Variants in CSPG4 observed in about 807,000 individuals in gnomAD.
The protein encoded by CSPG4 is chondroitin sulfate proteoglycan 4, also known as chondroitin sulfate proteoglycan 4 (melanoma-associated).
A neutral mutation model predicts 139.3 loss-of-function variants in CSPG4; 74 were observed. The observed-to-expected ratio is 0.53, with a 90% CI of 0.44 to 0.64. The LOEUF is 0.64. CSPG4 is among the 30% of genes least tolerant of loss of function. CSPG4 has a pLI of 0.00. For missense variants in CSPG4, 2,565 were observed against 3,148.3 expected, an observed-to-expected ratio of 0.81 and a Z score of 4.43; for synonymous variants, 1,234 against 1,394.2, an observed-to-expected ratio of 0.89 and a Z score of 2.56.
chr15:75,682,576 A>G (rs1387740037), intron 7 of CSPG4, 31 bp downstream of exon 7: 1 of 1,607,352 alleles, frequency 6.2e-7, no homozygotes, highest in Non-Finnish European at 8.5e-7. Flanking sequence ...AGCTCCTGGC[A>G]CCCAGGAATG....
At position 75,675,856 on chromosome 15, in the gene CSPG4, G is replaced by T. The variant is rs750954343; in HGVS notation, c.6663C>A (p.Asn2221Lys). ...ACATGGGGATGATGACGCTGAACAT[G>T]TTGGCCTCAAGGAAGCTCAGGAAGC... ...KGGFLSFLEA[N>K]MFSVIIPMCL... Residue 2221 changes from asparagine to lysine, a missense_variant, in exon 10 of 10, where the codon AAC (asparagine) becomes AAA (lysine). Physicochemically the swap from Asn to Lys is moderately conservative, Grantham distance 94. Around this residue, in one of 5 missense-constraint regions of CSPG4, gnomAD observed 2,316 missense variants for 2,818.2 expected, o/e 0.82. Transcript: ENST00000308508. 3 of 1,610,184 alleles carry T rather than the reference G, an allele frequency of 1.9e-6. No homozygotes were observed. The highest frequency in any genetic ancestry group is 8.5e-7 in the Non-Finnish European group (1 of 1,180,014).
Position 75,685,062 on chromosome 15 carries a change from G to A in CSPG4, c.4273-150C>T, listed in dbSNP as rs1385726209. 6 of 1,281,794 alleles carry A rather than the reference G, an allele frequency of 4.7e-6. No individual in the cohort carries two copies. In the East Asian group the frequency reaches 1.2e-4, roughly 25 times the overall value. 79.4% of individuals were successfully genotyped at this position (1,281,794 alleles called of 1,614,324 possible). A position where few individuals can be genotyped will look rare whatever the true frequency, so the allele number is the denominator to read the frequency against. On this transcript the variant is annotated intron_variant, in intron 4 of 9. Coordinates refer to ENST00000308508, the MANE Select transcript of CSPG4 (RefSeq NM_001897.5). The stretch of plus-strand genomic sequence containing the variant: ...AGTTCTGGCTCCGAGGAGTTGTGAG[G>A]AAGAAAAGATATATGGTATTTAAAG...
chr15:75,695,446 C>T (rs1894213448), intron 1 of CSPG4, among the ~76,000 whole-genome samples: 1 of 152,120 alleles, frequency 6.6e-6, no homozygotes, highest in Non-Finnish European at 1.5e-5. Context: ...TCCTGTGGGG[C>T]TGAGCGGGAG....
At position 75,688,290 on chromosome 15, in the gene CSPG4, C is replaced by T. The variant is rs761892708; in HGVS notation, c.2775G>A (p.Lys925=). ...AGAGGTAGCTGGCACTGTTGAGACT[C>T]TTGACAAAGAGGTGGTCAGCAGAGA... is the stretch of plus-strand genomic sequence containing the variant. ...GVLSADHLFV[K]SLNSASYLYE... Residue 925 remains lysine (K), a synonymous_variant, in exon 3 of 10, where the codon AAG becomes AAA. Transcript: ENST00000308508. 4.3e-6 allele frequency: 7 copies of T among 1,613,112 alleles called. No homozygotes were observed. The Admixed American group carries it at 1.2e-4, about 27-fold the overall frequency.
chr15:75,684,671 C>G, intron 5 of CSPG4, 65 bp downstream of exon 5: 1 of 1,513,130 alleles, frequency 6.6e-7, no homozygotes, highest in Non-Finnish European at 9.0e-7. Flanking sequence ...CTCTGAGCCG[C>G]GAAGTAGGGG....
chr15:75,711,759 AGTG>A (rs1894449672), intron 1 of CSPG4, among the ~76,000 whole-genome samples: 1 of 152,188 alleles, frequency 6.6e-6, no homozygotes, highest in Non-Finnish European at 1.5e-5. Flanking sequence ...ACACGTGGGT[AGTG>A]ATGATGGATG....
In CSPG4 at chr15:75,677,223, G is replaced by A; in HGVS notation, c.5296C>T (p.Pro1766Ser). ...SRGQLLVSEE[P>S]LHAGQPHFLQ... Reference sequence around the variant, plus strand: ...AAGTGGGGCTGCCCAGCATGGAGGGGCTCCTCGGACACCAACAGCTGGCCC... The same window carrying A: ...AAGTGGGGCTGCCCAGCATGGAGGGACTCCTCGGACACCAACAGCTGGCCC... The change falls in exon 10 of 10, where the codon CCC (proline) becomes TCC (serine). Residue 1766 changes from proline to serine, a missense_variant. Physicochemically the swap from Pro to Ser is moderately conservative, Grantham distance 74 (BLOSUM62 -1). Coordinates refer to ENST00000308508, the MANE Select transcript of CSPG4 (RefSeq NM_001897.5). 1.4e-6 allele frequency: 2 copies of A among 1,474,714 alleles called. No homozygotes were observed. Among genetic ancestry groups the A allele is most frequent in the Non-Finnish European group, 1.8e-6 (2 of 1,108,776 alleles). 91.4% of individuals were successfully genotyped at this position (1,474,714 alleles called of 1,614,324 possible).
Position 75,693,193 on chromosome 15 carries a change from G to C in CSPG4, c.129C>G (p.Ala43=), listed in dbSNP as rs779285964. 11 of 1,610,774 alleles carry C rather than the reference G, an allele frequency of 6.8e-6. 1 individual carries two copies. The highest frequency in any genetic ancestry group is 4.4e-5 in the South Asian group (4 of 90,536). ...GCAGGTCTATGTCGGTCAGAGCCGT[G>C]GCCACAGGCACCTCCAGGTGGTTCT... ...FGENHLEVPV[A]TALTDIDLQL... The change falls in exon 2 of 10, where the codon GCC becomes GCG. Residue 43 remains alanine, a synonymous_variant. Coordinates refer to ENST00000308508, the MANE Select transcript of CSPG4 (RefSeq NM_001897.5).
intron 1 of CSPG4, among the ~76,000 whole-genome samples, chr15:75,704,540 G>A (rs1197687727): frequency 6.6e-6 from 1 of 152,154 alleles, no homozygotes; most frequent in Non-Finnish European, 1.5e-5. Context: ...GGGCCTGGCC[G>A]GGCCCTGTCC....
Position 75,685,512 on chromosome 15 carries a change from C to T in CSPG4, c.3979G>A (p.Ala1327Thr). ...TCCAGCGAGAAGGCATCGCTCCAGG[C>T]CTCAGGGCGGGAGTGCAGGTACAGG... is the stretch of plus-strand genomic sequence containing the variant. The part of the protein sequence containing the change: ...RVLYLHSRPE[A>T]WSDAFSLDVA... Residue 1327 changes from alanine to threonine, a missense_variant, in exon 4 of 10, where the codon GCC becomes ACC. Ala to Thr is a moderately conservative substitution (Grantham distance 58). This residue lies in a region of CSPG4 where 2,316 missense variants were observed against 2,818.2 expected (regional missense o/e 0.82). Transcript: ENST00000308508. The T allele has an allele frequency of 6.2e-7, 1 of 1,609,426 alleles. No homozygotes were observed. The highest frequency in any genetic ancestry group is 8.5e-7 in the Non-Finnish European group (1 of 1,178,882).
intron 1 of CSPG4, among the ~76,000 whole-genome samples, chr15:75,695,588 C>T (rs1894215724): frequency 1.3e-5 from 2 of 152,198 alleles, no homozygotes; most frequent in Admixed American, 6.5e-5. Flanking sequence ...ACCTCCTGGT[C>T]TCCTTTTTTC....
intron 1 of CSPG4, among the ~76,000 whole-genome samples, chr15:75,705,081 C>T (rs1205984013): frequency 2.6e-5 from 4 of 152,212 alleles, no homozygotes; most frequent in Non-Finnish European, 4.4e-5. Context: ...GTGCCCCGGC[C>T]CAGTGAGCCC....
chr15:75,674,927 C>G lies in CSPG4; in HGVS notation c.*623G>C, dbSNP rs1893867981. On this transcript the variant is annotated 3_prime_UTR_variant, in exon 10 of 10. Coordinates refer to ENST00000308508, the MANE Select transcript of CSPG4 (RefSeq NM_001897.5). ...TTCCTTGCAATCTCCCTTAAATAAACCCATCCCCAGAGCAACCTACCCACC... is the reference window on the plus strand; with the variant it reads ...TTCCTTGCAATCTCCCTTAAATAAAGCCATCCCCAGAGCAACCTACCCACC... 1 of 398,006 alleles carries G rather than the reference C, an allele frequency of 2.5e-6. No homozygotes were observed. The highest frequency in any genetic ancestry group is 2.1e-5 in the African/African-American group (1 of 48,632). The allele number at this position is 398,006 out of a possible 1,614,324, so 24.7% of individuals were successfully genotyped here. A position where few individuals can be genotyped will look rare whatever the true frequency, so the allele number is the denominator to read the frequency against.
chr15:75,692,156 G>A (rs1894172208), intron 2 of CSPG4, among the ~76,000 whole-genome samples: 1 of 151,974 alleles, frequency 6.6e-6, no homozygotes, highest in Admixed American at 6.6e-5. Flanking sequence ...TAATTTTTTT[G>A]TATTTTTATT....
Position 75,682,459 on chromosome 15 carries a change from C to T in CSPG4, c.4784G>A (p.Gly1595Glu). ...CTGACTGCTGAGTGGCTGGACGGAC[C>T]CTGCCAGAGGCAAAAGGGGATATCA... The part of the protein sequence containing the change: ...KGSQTLTVCP[G>E]SVQPLSSQTL... Residue 1595 changes from glycine to glutamate, a missense_variant and splice_region_variant, in exon 8 of 10, where the codon GGG becomes GAG. By Grantham distance (98) the Gly-to-Glu change is moderately conservative. Coordinates refer to ENST00000308508, the MANE Select transcript of CSPG4 (RefSeq NM_001897.5). The T allele has an allele frequency of 6.3e-7, 1 of 1,578,130 alleles. No individual in the cohort carries two copies. The highest frequency in any genetic ancestry group is 8.6e-7 in the Non-Finnish European group (1 of 1,167,642).
intron 1 of CSPG4, among the ~76,000 whole-genome samples, chr15:75,708,202 T>C (rs1376707470): frequency 1.5e-4 from 2 of 13,464 alleles, no homozygotes; most frequent in Non-Finnish European, 2.9e-4. Context: ...GGCTAACGCA[T>C]GCATGCCAGG....
upstream of CSPG4, among the ~76,000 whole-genome samples, chr15:75,713,305 A>G (rs1894476380): frequency 1.3e-5 from 2 of 152,154 alleles, no homozygotes; most frequent in South Asian, 4.2e-4. Flanking sequence ...TCCAGACTCC[A>G]GAGGCACCAC....
intron 1 of CSPG4, among the ~76,000 whole-genome samples, chr15:75,705,603 C>G (rs1894359121): frequency 6.6e-6 from 1 of 152,228 alleles, no homozygotes; most frequent in Admixed American, 6.5e-5. Context: ...CAAGGTCATG[C>G]ATAGAGCGTC....
intron 1 of CSPG4, among the ~76,000 whole-genome samples, chr15:75,707,416 T>C (rs1229193131): frequency 6.6e-6 from 1 of 152,222 alleles, no homozygotes; most frequent in Non-Finnish European, 1.5e-5. Flanking sequence ...TCACTATATA[T>C]AACAAATATT....
Sources: allele counts gnomAD v4.1 joint callset (sites outside exome capture counted in the v4.1 genomes callset), GRCh38; gene constraint gnomAD v4.1.1; regional missense constraint gnomAD v4.1.1; transcripts MANE v1.5; gene names NCBI Gene and HGNC (gene_info 2026-07-23, HGNC 2026-07-21).